Variants in NACC2 observed in about 807,000 individuals in gnomAD.
The protein encoded by NACC2 is nucleus accumbens-associated protein 2.
NACC2 carries 8 observed loss-of-function variants against 25.1 expected under a neutral mutation model. The ratio of observed to expected loss-of-function variants is 0.32; its 90% CI spans 0.19 to 0.57. NACC2 has a LOEUF of 0.57. Among genes scored for constraint, NACC2 ranks in the 20% least tolerant of loss-of-function variants. NACC2 has a pLI of 0.89. For synonymous variants in NACC2, 435 were observed against 294.7 expected (o/e 1.48, Z -4.88); for missense variants, 644 against 650.2 (o/e 0.99, Z 0.10).
chr9:136,011,487 C>T lies in NACC2; in HGVS notation c.*29G>A, dbSNP rs536157857. On this transcript the variant is annotated 3_prime_UTR_variant, in exon 6 of 6. Transcript: ENST00000277554. ...AACGCATGCAAGCAGCTCTAGTACT[C>T]GGTCCCTCGCGCAGCCACCCAGCTC... The T allele has an allele frequency of 1.8e-5, 25 of 1,352,500 alleles. No homozygotes were observed. In the South Asian group the frequency reaches 2.6e-4, roughly 14 times the overall value. 83.8% of individuals were successfully genotyped at this position (1,352,500 alleles called of 1,614,324 possible). A position where few individuals can be genotyped will look rare whatever the true frequency, so the allele number is the denominator to read the frequency against.
chr9:136,014,068 G>A, intron 3 of NACC2, 99 bp from the exon 4 acceptor site: 4 of 656,552 alleles, frequency 6.1e-6, no homozygotes, highest in South Asian at 5.5e-5. Flanking sequence ...AGGTGGAGGG[G>A]GAGGAGGAGC....
chr9:136,040,802 C>T (rs1396863795), intron 2 of NACC2, among the ~76,000 whole-genome samples: 3 of 151,930 alleles, frequency 2.0e-5, no homozygotes, highest in Admixed American at 6.6e-5. Context: ...TCTACAAAAA[C>T]GCAAAAAAAT....
intron 2 of NACC2, among the ~76,000 whole-genome samples, chr9:136,024,552 A>G (rs1564221813): frequency 7.1e-6 from 1 of 141,294 alleles, no homozygotes; most frequent in African/African-American, 2.7e-5. Flanking sequence ...GTGTGAGGAC[A>G]GTGTGTGTAA....
chr9:136,017,570 G>T (rs1337072738), intron 2 of NACC2, among the ~76,000 whole-genome samples: 2 of 151,946 alleles, frequency 1.3e-5, no homozygotes, highest in African/African-American at 2.4e-5. Flanking sequence ...CTCACACAGG[G>T]GTCCTCACAA....
At chr9:136,075,913 C>T (rs955184767) in intron 1 of NACC2, among the ~76,000 whole-genome samples, 1 of 152,204 alleles carries the variant, frequency 6.6e-6, no homozygotes, top group Admixed American at 6.5e-5. Context: ...GGAGCAGCCC[C>T]GCAGCCCTCC....
At chr9:136,021,075 T>C (rs1588559092) in intron 2 of NACC2, among the ~76,000 whole-genome samples, 1 of 152,132 alleles carries the variant, frequency 6.6e-6, no homozygotes, top group Admixed American at 6.6e-5. Flanking sequence ...GATCTCTGAA[T>C]GAAGATAAAA....
chr9:136,054,128 G>A lies in NACC2; in HGVS notation c.-59-3548C>T, dbSNP rs991364640. 5.3e-4 allele frequency among the ~76,000 whole-genome samples: 81 copies of A among 152,350 alleles called. 1 individual carries two copies. The highest frequency in any genetic ancestry group is 1.8e-3 in the African/African-American group (76 of 41,574). Reference sequence around the variant, plus strand: ...GCTGAAGCCTCACACACAGAAAGCCGGTGATGCCTGCAACCTGCTGTGACC... The same window carrying A: ...GCTGAAGCCTCACACACAGAAAGCCAGTGATGCCTGCAACCTGCTGTGACC... On this transcript the variant is annotated intron_variant, in intron 1 of 5. Transcript: ENST00000277554.
At chr9:136,060,890 C>T (rs1841000747) in intron 1 of NACC2, among the ~76,000 whole-genome samples, 1 of 152,198 alleles carries the variant, frequency 6.6e-6, no homozygotes, top group Admixed American at 6.5e-5. Flanking sequence ...ATCCAGGAAG[C>T]CCCCCAACAC....
chr9:136,016,205 A>G (rs1488884960), intron 3 of NACC2, 60 bp downstream of exon 3: 4 of 1,579,774 alleles, frequency 2.5e-6, no homozygotes, highest in Admixed American at 3.4e-5. Flanking sequence ...TCTCCAATAA[A>G]TAAATAAATA....
At position 136,050,321 on chromosome 9, in the gene NACC2, G is replaced by A. The variant is rs914224158; in HGVS notation, c.201C>T (p.Phe67=). ...CGGGCGGCACGGAGCCGGGCAGCTC[G>A]AAGGCGCTCTTGCTGTTGCCGCTGA... ...DLFSGNSKSA[F]ELPGSVPPAC... The change falls in exon 2 of 6, where the codon TTC becomes TTT. Residue 67 remains phenylalanine (F), a synonymous_variant. Coordinates refer to ENST00000277554, the MANE Select transcript of NACC2 (RefSeq NM_144653.5). The A allele has an allele frequency of 9.5e-6, 7 of 739,192 alleles. No individual in the cohort carries two copies. The highest frequency in any genetic ancestry group is 1.7e-5 in the African/African-American group (1 of 58,178). 45.8% of individuals were successfully genotyped at this position (739,192 alleles called of 1,614,324 possible).
chr9:136,052,550 G>A (rs1046217620), intron 1 of NACC2, among the ~76,000 whole-genome samples: 5 of 152,114 alleles, frequency 3.3e-5, no homozygotes, highest in African/African-American at 9.7e-5. Flanking sequence ...TGGGTGAGGC[G>A]GCACCCCAGG....
rs769659085 is a variant in NACC2 at position 136,011,708 on chromosome 9, G to A, written c.1572C>T (p.Pro524=). The A allele has an allele frequency of 3.4e-5, 51 of 1,505,720 alleles. No homozygotes were observed. Among genetic ancestry groups the A allele is most frequent in the African/African-American group, 1.0e-4 (7 of 70,150 alleles). 93.3% of individuals were successfully genotyped at this position (1,505,720 alleles called of 1,614,324 possible). A position where few individuals can be genotyped will look rare whatever the true frequency, so the allele number is the denominator to read the frequency against. ...VNVDLSAAAN[P]AFDAGEEVDG... ...CCACCTCCTCGCCGGCGTCGAAGGC[G>A]GGGTTGGCGGCGGCACTCAGGTCAA... Residue 524 remains proline, a synonymous_variant, in exon 6 of 6, where the codon CCC becomes CCT. Coordinates refer to ENST00000277554, the MANE Select transcript of NACC2 (RefSeq NM_144653.5).
chr9:136,048,691 G>T (rs1006251511), intron 2 of NACC2, among the ~76,000 whole-genome samples: 1 of 152,242 alleles, frequency 6.6e-6, no homozygotes, highest in African/African-American at 2.4e-5. Flanking sequence ...CTGCTGTCCC[G>T]GCTGTGGTGA....
rs770627109 is a variant in NACC2 at position 136,011,837 on chromosome 9, G to A, written c.1443C>T (p.Pro481=). 1.2e-5 allele frequency: 18 copies of A among 1,564,258 alleles called. No homozygotes were observed. The highest frequency in any genetic ancestry group is 2.7e-5 in the African/African-American group (2 of 73,506). ...GSAAASVPLD[P]EFPPAAAQVF... ...CCTGTGCCGCGGCAGGCGGGAACTC[G>A]GGGTCGAGGGGCACGCTGGCGGCGG... Residue 481 remains proline (P), a synonymous_variant, in exon 6 of 6, where the codon CCC becomes CCT. Coordinates refer to ENST00000277554, the MANE Select transcript of NACC2 (RefSeq NM_144653.5).
chr9:136,059,256 G>T (rs1172102066), intron 1 of NACC2, among the ~76,000 whole-genome samples: 2 of 152,212 alleles, frequency 1.3e-5, no homozygotes, highest in African/African-American at 4.8e-5. Context: ...AAGGTGCCCA[G>T]GCCAGAGCCA....
chr9:136,094,262 G>A (rs2131196192), intron 1 of NACC2, among the ~76,000 whole-genome samples: 1 of 152,330 alleles, frequency 6.6e-6, no homozygotes, highest in South Asian at 2.1e-4. Flanking sequence ...GGGGGAGGGA[G>A]TGGAACGGCC....
intron 1 of NACC2, among the ~76,000 whole-genome samples, chr9:136,090,392 G>C (rs1161123677): frequency 6.6e-6 from 1 of 152,244 alleles, no homozygotes; most frequent in Non-Finnish European, 1.5e-5. Flanking sequence ...TCTAGGCAGT[G>C]CCCAGGAGTG....
chr9:136,046,693 CTG>C (rs1241471396), intron 2 of NACC2, among the ~76,000 whole-genome samples: 1 of 152,200 alleles, frequency 6.6e-6, no homozygotes, highest in African/African-American at 2.4e-5. Flanking sequence ...TGAAAACAAC[CTG>C]AATGTCCTTT....
At chr9:136,050,650 A>G in intron 1 of NACC2, 70 bp from the exon 2 acceptor site, 1 of 659,430 alleles carries the variant, frequency 1.5e-6, no homozygotes, top group Admixed American at 2.2e-5. Context: ...GGCCGTTCCC[A>G]CCCCCTCCTC....
Sources: gnomAD v4.1 joint callset for allele counts (sites outside exome capture counted in the v4.1 genomes callset) on GRCh38, gnomAD v4.1.1 for gene constraint, MANE v1.5 for transcripts, NCBI Gene and HGNC (gene_info 2026-07-23, HGNC 2026-07-21) for gene names.